CTNNA3: variants seen among roughly 807,000 people sequenced by gnomAD.
CTNNA3 encodes the protein catenin alpha-3.
A neutral mutation model predicts 95.7 loss-of-function variants in CTNNA3; 76 were observed. That is an observed-to-expected ratio of 0.79 (90% CI 0.66 to 0.96). The LOEUF is 0.96. Among genes scored for constraint, CTNNA3 ranks in the 40% least tolerant of loss-of-function variants. CTNNA3 has a pLI of 0.00. For synonymous variants in CTNNA3, 431 were observed against 374.4 expected (o/e 1.15, Z -1.74); for missense variants, 1,191 against 1,089.8 (o/e 1.09, Z -1.31).
At chr10:67,525,141 C>T (rs934246328) in intron 4 of CTNNA3, among the ~76,000 whole-genome samples, 1 of 141,998 alleles carries the variant, frequency 7.0e-6, no homozygotes, top group African/African-American at 2.8e-5. Flanking sequence ...ATTTGTTGAA[C>T]CTTGAATTTA....
At chr10:66,711,815 T>C (rs1289165554) in intron 9 of CTNNA3, among the ~76,000 whole-genome samples, 1 of 152,082 alleles carries the variant, frequency 6.6e-6, no homozygotes, top group Non-Finnish European at 1.5e-5. Flanking sequence ...GGTGATCTGC[T>C]CGTCTCGGCC....
At chr10:66,527,902 C>A (rs765007208) in intron 10 of CTNNA3, among the ~76,000 whole-genome samples, 99 of 151,904 alleles carry the variant, frequency 6.5e-4, no homozygotes, top group Non-Finnish European at 3.7e-4. Flanking sequence ...TCTTCCTTCT[C>A]AATTTGGATA....
chr10:67,178,346 A>G (rs1031251332), intron 7 of CTNNA3, among the ~76,000 whole-genome samples: 10 of 152,172 alleles, frequency 6.6e-5, no homozygotes, highest in South Asian at 2.1e-4. Flanking sequence ...GTCACGAGAC[A>G]TATAGTCACT....
At chr10:65,943,773 T>G (rs866591619) in intron 17 of CTNNA3, among the ~76,000 whole-genome samples, 3 of 152,332 alleles carry the variant, frequency 2.0e-5, no homozygotes, top group Middle Eastern at 6.8e-3. Flanking sequence ...AGAATAGGTA[T>G]GTGAACATGA....
At chr10:67,385,838 A>G (rs77863443) in intron 5 of CTNNA3, among the ~76,000 whole-genome samples, 1 of 147,316 alleles carries the variant, frequency 6.8e-6, no homozygotes, top group African/African-American at 2.5e-5. Context: ...AAGGATCTCA[A>G]AAAAAAAAAA....
At chr10:66,117,403 AAAG>A (rs1232503976) in intron 13 of CTNNA3, among the ~76,000 whole-genome samples, 2 of 152,158 alleles carry the variant, frequency 1.3e-5, no homozygotes, top group African/African-American at 4.8e-5. Flanking sequence ...TAAATACATA[AAAG>A]AAGTAGTAAT....
At chr10:66,018,597 T>C (rs747729991) in intron 15 of CTNNA3, among the ~76,000 whole-genome samples, 3 of 152,112 alleles carry the variant, frequency 2.0e-5, no homozygotes, top group Non-Finnish European at 2.9e-5. Flanking sequence ...TCAACACTTC[T>C]GTTTGTATGA....
intron 5 of CTNNA3, among the ~76,000 whole-genome samples, chr10:67,237,150 A>G (rs1341216021): frequency 6.4e-5 from 5 of 77,782 alleles, no homozygotes; most frequent in African/African-American, 3.8e-4. Context: ...ATATATATAT[A>G]TATATATATA....
intron 14 of CTNNA3, among the ~76,000 whole-genome samples, chr10:66,071,206 TTAAG>T (rs1393702391): frequency 1.3e-5 from 2 of 152,124 alleles, no homozygotes; most frequent in African/African-American, 4.8e-5. Flanking sequence ...TTAAGAAAAA[TTAAG>T]TAAGTAGAAT....
intron 3 of CTNNA3, among the ~76,000 whole-genome samples, chr10:67,563,064 C>T (rs1305461009): frequency 6.6e-6 from 1 of 151,630 alleles, no homozygotes; most frequent in African/African-American, 2.4e-5. Flanking sequence ...GCCATACTGC[C>T]CAAGGTAATT....
intron 1 of CTNNA3, among the ~76,000 whole-genome samples, chr10:67,664,290 T>C (rs1315420826): frequency 2.0e-5 from 3 of 152,190 alleles, no homozygotes; most frequent in Non-Finnish European, 2.9e-5. Context: ...ACTAACCAAA[T>C]TTTTTTCTGA....
At chr10:67,756,674 G>T (rs1841434677) in intron 1 of CTNNA3, among the ~76,000 whole-genome samples, 1 of 152,156 alleles carries the variant, frequency 6.6e-6, no homozygotes, top group African/African-American at 2.4e-5. Context: ...TGATTGCAGG[G>T]GCTGAGGAAA....
chr10:66,721,887 A>G (rs34280514), intron 9 of CTNNA3, among the ~76,000 whole-genome samples: 3,665 of 152,202 alleles, frequency 0.024, 187 homozygotes, highest in East Asian at 0.22. Flanking sequence ...GATTAGGAGG[A>G]AAAAAACCTT....
At chr10:67,646,390 G>A (rs1839714423) in intron 2 of CTNNA3, among the ~76,000 whole-genome samples, 1 of 151,714 alleles carries the variant, frequency 6.6e-6, no homozygotes, top group South Asian at 2.1e-4. Flanking sequence ...CAGTCATCTA[G>A]TATAAATTTC....
chr10:67,691,639 G>A (rs1270024730), intron 1 of CTNNA3, among the ~76,000 whole-genome samples: 4 of 151,790 alleles, frequency 2.6e-5, no homozygotes, highest in Non-Finnish European at 5.9e-5. Flanking sequence ...TGAGAAGTGA[G>A]GAGCCCCTCC....
chr10:66,372,238 T>C (rs1467643393), intron 12 of CTNNA3, among the ~76,000 whole-genome samples: 1 of 152,194 alleles, frequency 6.6e-6, no homozygotes, highest in Non-Finnish European at 1.5e-5. Context: ...TTTTTAAACA[T>C]AAATTATTTT....
intron 7 of CTNNA3, among the ~76,000 whole-genome samples, chr10:66,996,666 A>AAAAAAAAAAAAAAAAC (rs1277189856): frequency 6.6e-6 from 1 of 150,918 alleles, no homozygotes; most frequent in African/African-American, 2.4e-5. Context: ...AAAAAAAAAA[A>AAAAAAAAAAAAAAAAC]AAAAAGCATG....
intron 9 of CTNNA3, among the ~76,000 whole-genome samples, chr10:66,686,697 A>T (rs1490222115): frequency 6.6e-6 from 1 of 152,174 alleles, no homozygotes; most frequent in South Asian, 2.1e-4. Context: ...AAATGGAAAG[A>T]ATGTTCTTGA....
At chr10:66,711,451 C>G (rs1327811295) in intron 9 of CTNNA3, among the ~76,000 whole-genome samples, 1 of 151,876 alleles carries the variant, frequency 6.6e-6, no homozygotes, top group South Asian at 2.1e-4. Flanking sequence ...TCATATGTCC[C>G]ATTATTCAGT....
Sources: allele counts gnomAD v4.1 joint callset (sites outside exome capture counted in the v4.1 genomes callset), GRCh38; gene constraint gnomAD v4.1.1; transcripts MANE v1.5; gene names NCBI Gene and HGNC (gene_info 2026-07-23, HGNC 2026-07-21).